The following TF variants were observed in gnomAD, a reference collection of about 807,000 sequenced individuals.
TF encodes the protein transferrin, also known as serotransferrin.
In TF, 55 loss-of-function variants were observed where a neutral mutation model predicts 82.4. The observed-to-expected ratio is 0.67, with a 90% confidence interval of 0.54 to 0.84. TF has a LOEUF of 0.84. TF is among the 40% of genes least tolerant of loss of function. The probability of loss-of-function intolerance (pLI) is 0.00; values close to 1 mark genes in which losing one functional copy is unlikely to be tolerated. For missense variants in TF, 737 were observed against 868.4 expected, an observed-to-expected ratio of 0.85 and a Z score of 1.90; for synonymous variants, 332 against 332.6, an observed-to-expected ratio of 1.00 and a Z score of 0.02.
At chr3:133,695,681 C>T in the TF span, among the ~76,000 whole-genome samples, 191 of 152,288 alleles carry the variant, frequency 1.3e-3, 1 homozygote, top group African/African-American at 4.4e-3. Flanking sequence ...ATTTCTTTTA[C>T]AGTAATTCCC....
the TF span, among the ~76,000 whole-genome samples, chr3:133,665,900 A>AAT: frequency 6.9e-6 from 1 of 145,924 alleles, no homozygotes. Flanking sequence ...GCACCATTGC[A>AAT]CTCCAGCCTG....
chr3:133,726,236 C>A, the TF span, among the ~76,000 whole-genome samples: 12 of 152,112 alleles, frequency 7.9e-5, no homozygotes, highest in Non-Finnish European at 1.3e-4. Flanking sequence ...GGAATGGTAC[C>A]AGTTCCTCCT....
At chr3:133,699,048 C>A in the TF span, among the ~76,000 whole-genome samples, 582 of 152,356 alleles carry the variant, frequency 3.8e-3, 23 homozygotes, top group Admixed American at 0.036. Context: ...GTCTCAGTTT[C>A]TTCATCTGTA....
At chr3:133,671,725 G>A in the TF span, among the ~76,000 whole-genome samples, 5 of 151,608 alleles carry the variant, frequency 3.3e-5, no homozygotes, top group African/African-American at 4.8e-5. Context: ...CCCAGGAGGC[G>A]GAGGTTACAA....
chr3:133,734,546 A>T, the TF span, among the ~76,000 whole-genome samples: 7 of 152,208 alleles, frequency 4.6e-5, no homozygotes, highest in Non-Finnish European at 7.3e-5. Flanking sequence ...GGAACTCACG[A>T]GTCCATGCAG....
chr3:133,698,710 A>AT, the TF span, among the ~76,000 whole-genome samples: 10 of 152,000 alleles, frequency 6.6e-5, no homozygotes, highest in African/African-American at 2.4e-4. Context: ...AACTAATTAC[A>AT]TTTTCAAGGT....
intron 9 of TF, chr3:133,760,411 A>T (rs1404822196): frequency 1.3e-5 from 2 of 152,730 alleles, no homozygotes; most frequent in African/African-American, 4.8e-5. Context: ...CTATTTTAAC[A>T]TATATTCCAT....
At chr3:133,728,102 C>T in the TF span, among the ~76,000 whole-genome samples, 1 of 152,192 alleles carries the variant, frequency 6.6e-6, no homozygotes, top group Non-Finnish European at 1.5e-5. Context: ...TCCTTCATTT[C>T]AACTTTGGTG....
the TF span, among the ~76,000 whole-genome samples, chr3:133,711,043 TA>T: frequency 6.6e-6 from 1 of 152,222 alleles, no homozygotes; most frequent in Non-Finnish European, 1.5e-5. Context: ...CATTTCGCCC[TA>T]AAATAATATC....
At chr3:133,773,234 C>T (rs987220128) in intron 14 of TF, 1 of 151,860 alleles carries the variant, frequency 6.6e-6, no homozygotes, top group Admixed American at 6.6e-5. Context: ...GTGATCTCAG[C>T]TCACTGCAAA....
chr3:133,701,251 A>G, the TF span: 6 of 152,204 alleles, frequency 3.9e-5, no homozygotes, highest in Non-Finnish European at 7.3e-5. Flanking sequence ...TTCATATTCT[A>G]GAAAACTTGA....
At position 133,792,579 on chromosome 3, in the gene TF, T is replaced by G. The variant is rs1934868123; in HGVS notation, c.*13959T>G. ...TTAAAATCCTTAACTTACCAAAGTTTTCACCAAAAGTAAAACTCGCTAAGA... is the reference window on the plus strand; with the variant it reads ...TTAAAATCCTTAACTTACCAAAGTTGTCACCAAAAGTAAAACTCGCTAAGA... On this transcript the variant is annotated 3_prime_UTR_variant, in exon 17 of 17. Coordinates refer to ENST00000402696, the MANE Select transcript of TF (RefSeq NM_001063.4). The G allele has an allele frequency of 6.6e-6, 1 of 152,188 alleles. No homozygotes were observed. Among genetic ancestry groups the G allele is most frequent in the Non-Finnish European group, 1.5e-5 (1 of 68,030 alleles). 9.4% of individuals were successfully genotyped at this position (152,188 alleles called of 1,614,324 possible).
the TF span, among the ~76,000 whole-genome samples, chr3:133,703,224 C>A: frequency 1.3e-5 from 2 of 152,114 alleles, no homozygotes; most frequent in African/African-American, 4.8e-5. Context: ...TCTGGAGTTA[C>A]TGTGTGACAA....
chr3:133,786,222 T>TAAAAAAAAAAA lies in TF; in HGVS notation c.*7610_*7620dup, dbSNP rs1553742153. The TAAAAAAAAAAA allele has an allele frequency of 3.6e-5, 3 of 84,348 alleles. No homozygotes were observed. The highest frequency in any genetic ancestry group is 7.9e-5 in the African/African-American group (2 of 25,392). 5.2% of individuals were successfully genotyped at this position (84,348 alleles called of 1,614,324 possible). A position where few individuals can be genotyped will look rare whatever the true frequency, so the allele number is the denominator to read the frequency against. On this transcript the variant is annotated 3_prime_UTR_variant, in exon 17 of 17. Transcript: ENST00000402696. ...AAGAATTATCAATAAAAAAATAAATTAAAAAAAAAAAAAAAAAACAATACT... is the reference window on the plus strand; with the variant it reads ...AAGAATTATCAATAAAAAAATAAATTAAAAAAAAAAAAAAAAAAAAAAAAAAAAACAATACT...
At chr3:133,757,529 C>T (rs1186892985) in intron 7 of TF, among the ~76,000 whole-genome samples, 1 of 152,220 alleles carries the variant, frequency 6.6e-6, no homozygotes, top group Non-Finnish European at 1.5e-5. Context: ...CTTGTTCTCA[C>T]CGATGTCTCA....
chr3:133,756,192 T>C, intron 5 of TF, 90 bp from the exon 6 acceptor site: 1 of 1,292,786 alleles, frequency 7.7e-7, no homozygotes, highest in Non-Finnish European at 1.1e-6. Flanking sequence ...TCTATCCTAG[T>C]GTGAGTGCTG....
rs1934528388 is a variant in TF, at chr3:133,782,164, G to A, written c.*3544G>A. 1 of 152,144 alleles carries A rather than the reference G, an allele frequency of 6.6e-6. No individual in the cohort carries two copies. The highest frequency in any genetic ancestry group is 2.4e-5 in the African/African-American group (1 of 41,418). 9.4% of individuals were successfully genotyped at this position (152,144 alleles called of 1,614,324 possible). A position where few individuals can be genotyped will look rare whatever the true frequency, so the allele number is the denominator to read the frequency against. On this transcript the variant is annotated 3_prime_UTR_variant, in exon 17 of 17. Coordinates refer to ENST00000402696, the MANE Select transcript of TF (RefSeq NM_001063.4). The stretch of plus-strand genomic sequence containing the variant: ...GATATTAATCATAAACGTGGATAAG[G>A]GTGAAGAGAACAGAAAACCTTTGTG...
chr3:133,758,498 TG>T (rs935687242), intron 8 of TF, among the ~76,000 whole-genome samples: 3 of 152,160 alleles, frequency 2.0e-5, no homozygotes, highest in African/African-American at 7.2e-5. Flanking sequence ...AATTTCAAAC[TG>T]GGGAGAAGAT....
the TF span, among the ~76,000 whole-genome samples, chr3:133,674,568 G>C: frequency 6.6e-6 from 1 of 152,232 alleles, no homozygotes; most frequent in Non-Finnish European, 1.5e-5. Flanking sequence ...CGAGGCGCGA[G>C]AGTGGGGTGG....
Sources: allele counts gnomAD v4.1 joint callset (sites outside exome capture counted in the v4.1 genomes callset), GRCh38; gene constraint gnomAD v4.1.1; transcripts MANE v1.5; gene names NCBI Gene and HGNC (gene_info 2026-07-23, HGNC 2026-07-21).